Variants in GALNT10 observed in about 807,000 individuals in gnomAD.
The protein encoded by GALNT10 is GalNAc transferase 10.
A neutral mutation model predicts 75.0 loss-of-function variants in GALNT10; 41 were observed. The observed-to-expected ratio is 0.55, with a 90% CI of 0.43 to 0.71. The LOEUF is 0.71. Ranked by LOEUF, GALNT10 falls within the 30% of genes least tolerant of loss-of-function variation. The pLI is 0.00. For missense variants in GALNT10, 727 were observed against 818.5 expected (o/e 0.89, Z 1.36); for synonymous variants, 302 against 313.0 (o/e 0.96, Z 0.37).
chr5:154,273,413 T>C (rs1009129869), intron 1 of GALNT10, among the ~76,000 whole-genome samples: 2 of 152,298 alleles, frequency 1.3e-5, no homozygotes, highest in African/African-American at 4.8e-5. Context: ...AGATGCATAA[T>C]GTATGGTTTC....
intron 1 of GALNT10, among the ~76,000 whole-genome samples, chr5:154,253,002 GTT>G (rs373849888): frequency 0.052 from 4,676 of 89,846 alleles, 113 homozygotes; most frequent in Non-Finnish European, 0.074. Context: ...TTTTTTAGTG[GTT>G]TTTTTTTTTT....
intron 4 of GALNT10, among the ~76,000 whole-genome samples, chr5:154,335,232 T>G (rs1754925838): frequency 6.6e-6 from 1 of 152,224 alleles, no homozygotes; most frequent in African/African-American, 2.4e-5. Flanking sequence ...TCAGCAGTAT[T>G]CATGACATGA....
At chr5:154,219,520 G>A (rs1206209287) in intron 1 of GALNT10, 25 of 152,320 alleles carry the variant, frequency 1.6e-4, no homozygotes, top group Admixed American at 1.6e-3. Flanking sequence ...ATAATGGATG[G>A]AAGAATGGAC....
intron 1 of GALNT10, among the ~76,000 whole-genome samples, chr5:154,248,126 C>G (rs540381124): frequency 6.6e-6 from 1 of 152,008 alleles, no homozygotes; most frequent in Non-Finnish European, 1.5e-5. Flanking sequence ...ATTGATTTTC[C>G]TATGTTGAAC....
chr5:154,202,743 TAA>T (rs1269371544), intron 1 of GALNT10, among the ~76,000 whole-genome samples: 2 of 152,202 alleles, frequency 1.3e-5, no homozygotes, highest in Non-Finnish European at 2.9e-5. Flanking sequence ...TTCCCACCCA[TAA>T]CTCTTCCTGC....
intron 1 of GALNT10, among the ~76,000 whole-genome samples, chr5:154,239,888 G>A (rs190051224): frequency 5.5e-4 from 84 of 152,316 alleles, no homozygotes; most frequent in Admixed American, 3.7e-3. Flanking sequence ...GACTCTTGTT[G>A]ATTCCTCATC....
rs1369572557 is a variant in GALNT10, at chr5:154,352,077, C to G, written c.568+22339C>G. ...GCACAGCCAGTTGATGATTCCAAAG[C>G]CCATTGATTCACTTAGGGAATATTT... On this transcript the variant is annotated intron_variant, in intron 4 of 11. Coordinates refer to ENST00000297107, the MANE Select transcript of GALNT10 (RefSeq NM_198321.4). The surrounding 1 kb of genome is among the most constrained non-coding windows in gnomAD (Gnocchi z 4.4). Among the ~76,000 whole-genome samples, 3 of 152,214 alleles carry G rather than the reference C, an allele frequency of 2.0e-5. No homozygotes were observed. The highest frequency in any genetic ancestry group is 4.8e-5 in the African/African-American group (2 of 41,448).
chr5:154,369,403 A>C, intron 4 of GALNT10, among the ~76,000 whole-genome samples: 1 of 152,104 alleles, frequency 6.6e-6, no homozygotes, highest in Admixed American at 6.6e-5. Flanking sequence ...CAAACAAAAA[A>C]AACCCCAAAA....
At chr5:154,284,604 C>T (rs749544314) in intron 1 of GALNT10, among the ~76,000 whole-genome samples, 1 of 152,212 alleles carries the variant, frequency 6.6e-6, no homozygotes, top group Non-Finnish European at 1.5e-5. Flanking sequence ...CGTCAAGCCT[C>T]TAAGAAGAGC....
At chr5:154,410,129 T>C (rs1756366489) in intron 9 of GALNT10, among the ~76,000 whole-genome samples, 1 of 152,224 alleles carries the variant, frequency 6.6e-6, no homozygotes, top group South Asian at 2.1e-4. Context: ...CAGAACAATC[T>C]AAACATGGCA....
At chr5:154,329,961 CAAAA>C (rs4032071) in intron 4 of GALNT10, 37 of 127,102 alleles carry the variant, frequency 2.9e-4, no homozygotes, top group African/African-American at 7.6e-4. Context: ...GTATTAACTG[CAAAA>C]AAAAAAAAAA....
chr5:154,374,967 G>C (rs1375347074), intron 4 of GALNT10, among the ~76,000 whole-genome samples: 1 of 152,144 alleles, frequency 6.6e-6, no homozygotes, highest in Non-Finnish European at 1.5e-5. Context: ...GGTGTTTAAA[G>C]TTTCCTTTTA....
chr5:154,272,112 G>A (rs1018162466), intron 1 of GALNT10, among the ~76,000 whole-genome samples: 3 of 152,050 alleles, frequency 2.0e-5, no homozygotes, highest in African/African-American at 7.2e-5. Context: ...TGGTGCAGGC[G>A]GCCCCTCTGT....
intron 1 of GALNT10, among the ~76,000 whole-genome samples, chr5:154,282,393 C>A (rs1252692056): frequency 6.6e-6 from 1 of 152,204 alleles, no homozygotes; most frequent in African/African-American, 2.4e-5. Context: ...CTCTCATTGA[C>A]AGAACCCAAT....
intron 10 of GALNT10, 47 bp from the exon 11 acceptor site, chr5:154,415,736 A>T (rs376648906): frequency 7.8e-6 from 12 of 1,538,744 alleles, no homozygotes; most frequent in Non-Finnish European, 8.8e-6. Context: ...AGAAAAAAAG[A>T]AAGTCCTTGG....
At chr5:154,258,969 C>A (rs955226367) in intron 1 of GALNT10, among the ~76,000 whole-genome samples, 23 of 152,216 alleles carry the variant, frequency 1.5e-4, no homozygotes, top group African/African-American at 5.5e-4. Context: ...AAAAATAATT[C>A]TTTGTACCCT....
intron 1 of GALNT10, among the ~76,000 whole-genome samples, chr5:154,248,912 T>C (rs1443818957): frequency 6.6e-6 from 1 of 152,246 alleles, no homozygotes; most frequent in East Asian, 1.9e-4. Context: ...ATATGAGGAA[T>C]GGCAGTATTT....
intron 1 of GALNT10, among the ~76,000 whole-genome samples, chr5:154,257,666 CG>C (rs1349897322): frequency 4.0e-5 from 1 of 24,782 alleles, no homozygotes; most frequent in East Asian, 2.2e-3. Flanking sequence ...AGTGAGACTC[CG>C]TTTTAAAAAA....
intron 4 of GALNT10, chr5:154,349,434 C>G (rs1380806204): frequency 6.6e-6 from 1 of 152,036 alleles, no homozygotes; most frequent in African/African-American, 2.4e-5. Context: ...TTTCTCCGGG[C>G]AAGGTGGTGT....
Sources: allele counts gnomAD v4.1 joint callset (sites outside exome capture counted in the v4.1 genomes callset), GRCh38; gene constraint gnomAD v4.1.1; non-coding constraint Gnocchi (gnomAD v3.1); transcripts MANE v1.5; gene names NCBI Gene and HGNC (gene_info 2026-07-23, HGNC 2026-07-21).